Variants in YEATS2 observed in about 807,000 individuals in gnomAD.
The protein encoded by YEATS2 is YEATS domain containing 2, also known as YEATS domain-containing protein 2.
In YEATS2, 77 loss-of-function variants were observed where a neutral mutation model predicts 163.2. The ratio of observed to expected loss-of-function variants is 0.47; its 90% confidence interval spans 0.39 to 0.57. YEATS2 has a LOEUF of 0.57. Among genes scored for constraint, YEATS2 ranks in the 20% least tolerant of loss-of-function variants. YEATS2 has a pLI of 0.00. For missense variants in YEATS2, 1,549 were observed against 1,729.8 expected, an observed-to-expected ratio of 0.90 and a Z score of 1.85; for synonymous variants, 631 against 645.1, an observed-to-expected ratio of 0.98 and a Z score of 0.33.
At chr3:183,707,692 T>G (rs1393139878) in intron 1 of YEATS2, among the ~76,000 whole-genome samples, 5 of 149,206 alleles carry the variant, frequency 3.4e-5, no homozygotes, top group Non-Finnish European at 5.9e-5. Context: ...TTTTTTTTTT[T>G]TTTTTTTTTG....
At chr3:183,786,441 A>G in intron 20 of YEATS2, 140 bp downstream of exon 20, 1 of 815,206 alleles carries the variant, frequency 1.2e-6, no homozygotes, top group Non-Finnish European at 1.8e-6. Context: ...ATATTCACAT[A>G]CCATAAAAGT....
chr3:183,792,514 G>C (rs1724754316), intron 21 of YEATS2, among the ~76,000 whole-genome samples: 1 of 152,008 alleles, frequency 6.6e-6, no homozygotes, highest in African/African-American at 2.4e-5. Flanking sequence ...ATATTGTATT[G>C]TACTGTATTA....
At chr3:183,740,787 C>G (rs1718867054) in intron 8 of YEATS2, among the ~76,000 whole-genome samples, 1 of 152,208 alleles carries the variant, frequency 6.6e-6, no homozygotes, top group Non-Finnish European at 1.5e-5. Flanking sequence ...ATGAAGGTGG[C>G]TACACCAAAC....
chr3:183,743,671 A>G (rs1013839683), intron 8 of YEATS2, among the ~76,000 whole-genome samples: 11 of 152,062 alleles, frequency 7.2e-5, no homozygotes, highest in Non-Finnish European at 1.5e-5. Flanking sequence ...TAATGGAAAG[A>G]CCATTTCTTA....
At chr3:183,764,405 A>G (rs79276867) in intron 15 of YEATS2, among the ~76,000 whole-genome samples, 1,618 of 148,226 alleles carry the variant, frequency 0.011, 30 homozygotes, top group African/African-American at 0.038. Context: ...TATCATATAG[A>G]TGTTTTTCAG....
At chr3:183,714,568 C>T (rs1210293668) in intron 1 of YEATS2, among the ~76,000 whole-genome samples, 1 of 151,896 alleles carries the variant, frequency 6.6e-6, no homozygotes, top group Non-Finnish European at 1.5e-5. Context: ...GTATTGCAGA[C>T]TTGTTAATTA....
rs570083521 is a variant in YEATS2, at chr3:183,776,749, T to C, written c.2577+626T>C. Among the ~76,000 whole-genome samples, 6 of 151,522 alleles carry C rather than the reference T, an allele frequency of 4.0e-5. No homozygotes were observed. The East Asian group carries it at 1.2e-3, about 30-fold the overall frequency. On this transcript the variant is annotated intron_variant, in intron 18 of 30. Transcript: ENST00000305135. ...CAGGCAGATCACCTGAGGTCAGGAG[T>C]TCAAGACCAGCCTGGTCCATGGTGA...
chr3:183,746,205 G>T (rs1577100332), intron 8 of YEATS2, among the ~76,000 whole-genome samples: 1 of 152,130 alleles, frequency 6.6e-6, no homozygotes, highest in East Asian at 1.9e-4. Flanking sequence ...TGAGACTACG[G>T]GAACATGCCA....
chr3:183,724,275 T>G (rs1488476072), intron 5 of YEATS2, 144 bp from the exon 6 acceptor site: 2 of 603,308 alleles, frequency 3.3e-6, no homozygotes, highest in African/African-American at 3.8e-5. Flanking sequence ...TTTTAATGCT[T>G]TGAGAGGTGC....
At chr3:183,801,339 TTAATTA>T in intron 24 of YEATS2, 110 bp from the exon 25 acceptor site, 1 of 648,318 alleles carries the variant, frequency 1.5e-6, no homozygotes, top group Admixed American at 3.7e-5. Context: ...TATGATGGTT[TTAATTA>T]TAATTCCCTC....
intron 1 of YEATS2, 113 bp from the exon 2 acceptor site, chr3:183,715,031 A>T: frequency 1.7e-6 from 1 of 588,220 alleles, no homozygotes. Context: ...TGTAATATTT[A>T]TTTATTTATT....
At chr3:183,720,717 G>A (rs994524987) in intron 4 of YEATS2, among the ~76,000 whole-genome samples, 1 of 152,118 alleles carries the variant, frequency 6.6e-6, no homozygotes, top group Admixed American at 6.6e-5. Context: ...CCTACCATAA[G>A]CTTCGTGATG....
At chr3:183,707,413 C>T (rs1714722606) in intron 1 of YEATS2, among the ~76,000 whole-genome samples, 1 of 152,116 alleles carries the variant, frequency 6.6e-6, no homozygotes, top group Admixed American at 6.6e-5. Flanking sequence ...ATTGAGTATA[C>T]CACGATTTGT....
intron 30 of YEATS2, chr3:183,809,598 T>G (rs541435857): frequency 6.3e-6 from 1 of 159,022 alleles, no homozygotes; most frequent in African/African-American, 2.4e-5. Flanking sequence ...TTTACCCAGC[T>G]TACCCAGCAA....
chr3:183,743,450 C>T (rs1018481328), intron 8 of YEATS2, among the ~76,000 whole-genome samples: 26 of 152,100 alleles, frequency 1.7e-4, no homozygotes, highest in Non-Finnish European at 2.9e-5. Flanking sequence ...AGGTGATCCT[C>T]TTATCTCAGC....
intron 2 of YEATS2, among the ~76,000 whole-genome samples, chr3:183,717,049 C>T (rs1243536431): frequency 2.6e-5 from 4 of 151,988 alleles, no homozygotes; most frequent in East Asian, 1.9e-4. Context: ...CCCCCCACTA[C>T]GCCCAGCTAG....
chr3:183,765,638 G>T (rs1721827396), intron 15 of YEATS2, among the ~76,000 whole-genome samples: 1 of 152,162 alleles, frequency 6.6e-6, no homozygotes, highest in African/African-American at 2.4e-5. Flanking sequence ...TTGCTGAAGT[G>T]CATTCCTAGA....
At chr3:183,728,496 C>A (rs1326431840) in intron 6 of YEATS2, among the ~76,000 whole-genome samples, 194 bp from the exon 7 acceptor site, 5 of 152,154 alleles carry the variant, frequency 3.3e-5, no homozygotes, top group African/African-American at 1.2e-4. Flanking sequence ...CTGCATCCAG[C>A]CCCAGCTATG....
chr3:183,770,205 G>A (rs1009698331), intron 15 of YEATS2, among the ~76,000 whole-genome samples: 3 of 151,442 alleles, frequency 2.0e-5, no homozygotes, highest in Non-Finnish European at 3.0e-5. Flanking sequence ...TGGCTAACAC[G>A]GTGAAACCCC....
Sources: allele counts gnomAD v4.1 joint callset (sites outside exome capture counted in the v4.1 genomes callset), GRCh38; gene constraint gnomAD v4.1.1; transcripts MANE v1.5; gene names NCBI Gene and HGNC (gene_info 2026-07-23, HGNC 2026-07-21).